SYN2: variants seen among roughly 807,000 people sequenced by gnomAD.
The protein encoded by SYN2 is synapsin II.
A neutral mutation model predicts 50.9 loss-of-function variants in SYN2; 19 were observed. The observed-to-expected ratio is 0.37, with a 90% CI of 0.26 to 0.55. The LOEUF is 0.55. SYN2 is among the 20% of genes least tolerant of loss of function. The probability of loss-of-function intolerance (pLI) is 0.81; values close to 1 mark genes in which losing one functional copy is unlikely to be tolerated. For missense variants in SYN2, 587 were observed against 576.4 expected (o/e 1.02, Z -0.19); for synonymous variants, 255 against 224.9 (o/e 1.13, Z -1.20).
chr3:12,096,144 T>A, intron 1 of SYN2, among the ~76,000 whole-genome samples: 2 of 152,340 alleles, frequency 1.3e-5, no homozygotes, highest in South Asian at 4.1e-4. Flanking sequence ...ATTTATCTCA[T>A]GTCATCCATT....
intron 1 of SYN2, among the ~76,000 whole-genome samples, chr3:12,073,581 A>C (rs1216089201): frequency 6.6e-6 from 1 of 151,618 alleles, no homozygotes; most frequent in Non-Finnish European, 1.5e-5. Flanking sequence ...AAATAAAGCA[A>C]CCCTTTACAT....
intron 1 of SYN2, among the ~76,000 whole-genome samples, chr3:12,125,512 T>TG (rs1427253598): frequency 2.0e-5 from 3 of 152,234 alleles, no homozygotes; most frequent in African/African-American, 7.2e-5. Context: ...TTCCAATACT[T>TG]GCTGCTTTAT....
At chr3:12,098,856 CATATATATATAT>C (rs35420190) in intron 1 of SYN2, among the ~76,000 whole-genome samples, 58 of 133,658 alleles carry the variant, frequency 4.3e-4, no homozygotes, top group African/African-American at 1.5e-3. Context: ...AAAGCAAAAG[CATATATATATAT>C]ATATATATAT....
chr3:12,022,077 C>CAAAAAAATAA (rs1694150351), intron 1 of SYN2, among the ~76,000 whole-genome samples: 1 of 122,586 alleles, frequency 8.2e-6, no homozygotes. Flanking sequence ...GGCTCTGTGT[C>CAAAAAAATAA]AAAAAAAAAA....
At chr3:12,175,709 G>A (rs539232965) in intron 10 of SYN2, among the ~76,000 whole-genome samples, 1 of 152,336 alleles carries the variant, frequency 6.6e-6, no homozygotes, top group Admixed American at 6.5e-5. Flanking sequence ...GGGAGCTGGG[G>A]CTTGGGGTGA....
intron 1 of SYN2, among the ~76,000 whole-genome samples, chr3:12,033,852 C>A (rs893475707): frequency 3.9e-5 from 6 of 152,112 alleles, no homozygotes; most frequent in Non-Finnish European, 5.9e-5. Context: ...GTGCTTCATT[C>A]CTTTTTATGG....
chr3:12,100,320 C>T (rs1166853877), intron 1 of SYN2, among the ~76,000 whole-genome samples: 4 of 152,076 alleles, frequency 2.6e-5, no homozygotes, highest in Admixed American at 6.6e-5. Context: ...AATTGACAGT[C>T]CAGAAATAAA....
At chr3:12,050,711 CTTTTTTTTT>C (rs57099569) in intron 1 of SYN2, among the ~76,000 whole-genome samples, 22 of 50,560 alleles carry the variant, frequency 4.4e-4, no homozygotes, top group Middle Eastern at 0.025. Flanking sequence ...CTTCTCTTCT[CTTTTTTTTT>C]TTTTTTTTTT....
intron 1 of SYN2, among the ~76,000 whole-genome samples, chr3:12,128,712 G>A (rs1696725427): frequency 1.3e-5 from 2 of 152,104 alleles, no homozygotes; most frequent in South Asian, 4.1e-4. Flanking sequence ...ATAAATGCCT[G>A]ACCAGCATTA....
intron 1 of SYN2, among the ~76,000 whole-genome samples, chr3:12,060,293 T>C (rs1231697985): frequency 1.3e-5 from 2 of 151,956 alleles, no homozygotes; most frequent in Non-Finnish European, 2.9e-5. Context: ...ATATTGGTTC[T>C]GGCAGGAAGA....
At chr3:12,073,364 G>A (rs558580946) in intron 1 of SYN2, among the ~76,000 whole-genome samples, 6 of 152,302 alleles carry the variant, frequency 3.9e-5, no homozygotes, top group Non-Finnish European at 7.4e-5. Context: ...CAGCTCACCT[G>A]TATGTATAAC....
intron 5 of SYN2, chr3:12,153,572 G>C (rs202071287): frequency 6.2e-7 from 1 of 1,614,082 alleles, no homozygotes; most frequent in Admixed American, 1.7e-5. Context: ...CCCGGTACCA[G>C]CTGCAGGTGC....
At chr3:12,143,449 C>G (rs914607681) in intron 3 of SYN2, among the ~76,000 whole-genome samples, 1 of 152,108 alleles carries the variant, frequency 6.6e-6, no homozygotes, top group Admixed American at 6.5e-5. Context: ...TCATCCTCCC[C>G]TCTTTTGGAG....
At chr3:12,117,355 G>A (rs1479706614) in intron 1 of SYN2, among the ~76,000 whole-genome samples, 9 of 152,152 alleles carry the variant, frequency 5.9e-5, no homozygotes, top group Admixed American at 5.2e-4. Context: ...CGTTTTGAGT[G>A]ACAACTTTCT....
intron 1 of SYN2, among the ~76,000 whole-genome samples, chr3:12,132,044 C>CTTTTTTTTTTTT (rs34414958): frequency 1.9e-5 from 2 of 103,028 alleles, no homozygotes; most frequent in African/African-American, 3.2e-5. Flanking sequence ...CTTTTTTTTT[C>CTTTTTTTTTTTT]TTTTTTTTTT....
At chr3:12,115,894 T>C (rs963650511) in intron 1 of SYN2, among the ~76,000 whole-genome samples, 3 of 152,188 alleles carry the variant, frequency 2.0e-5, no homozygotes, top group African/African-American at 7.2e-5. Flanking sequence ...ACCCATCTCC[T>C]AGTACAGCAC....
intron 4 of SYN2, among the ~76,000 whole-genome samples, chr3:12,147,022 T>C (rs1252697303): frequency 6.6e-6 from 1 of 152,114 alleles, no homozygotes; most frequent in East Asian, 1.9e-4. Flanking sequence ...CCCTGCATCT[T>C]CCAGGCCCCT....
intron 1 of SYN2, among the ~76,000 whole-genome samples, chr3:12,102,699 T>G (rs181663232): frequency 2.0e-5 from 3 of 152,306 alleles, no homozygotes; most frequent in Non-Finnish European, 1.5e-5. Flanking sequence ...TCCTTCAATT[T>G]ATTGTTTCTT....
intron 1 of SYN2, among the ~76,000 whole-genome samples, chr3:12,089,932 C>T (rs752043599): frequency 2.6e-5 from 4 of 152,092 alleles, no homozygotes; most frequent in Non-Finnish European, 5.9e-5. Context: ...TGGACAGTCA[C>T]TTGTAGTGCT....
Sources: allele counts gnomAD v4.1 joint callset (sites outside exome capture counted in the v4.1 genomes callset), GRCh38; gene constraint gnomAD v4.1.1; transcripts MANE v1.5; gene names NCBI Gene and HGNC (gene_info 2026-07-23, HGNC 2026-07-21).